Variants in ARSG observed in about 807,000 individuals in gnomAD.
ARSG encodes ASG.
A neutral mutation model predicts 50.5 loss-of-function variants in ARSG; 37 were observed. The observed-to-expected ratio is 0.73, with a 90% CI of 0.56 to 0.96. ARSG has a LOEUF of 0.96. Among genes scored for constraint, ARSG ranks in the 50% least tolerant of loss-of-function variants. The pLI, the probability that ARSG is intolerant of heterozygous loss-of-function variation, is 0.00. For synonymous variants in ARSG, 225 were observed against 254.6 expected (o/e 0.88, Z 1.11); for missense variants, 629 against 675.3 (o/e 0.93, Z 0.76).
At chr17:68,284,907 A>T (rs1266339508) in intron 1 of ARSG, among the ~76,000 whole-genome samples, 1 of 152,122 alleles carries the variant, frequency 6.6e-6, no homozygotes, top group Non-Finnish European at 1.5e-5. Flanking sequence ...TCTGAGGTCT[A>T]TTTCTCTTTG....
At position 68,351,575 on chromosome 17, in the gene ARSG, G is replaced by C. The variant is rs770312236; in HGVS notation, c.455G>C (p.Gly152Ala). The change falls in exon 5 of 12, where the codon GGT (glycine) becomes GCT (alanine). Residue 152 changes from glycine (G) to alanine (A), a missense_variant and splice_region_variant. By Grantham distance (60) the Gly-to-Ala change is moderately conservative. Coordinates refer to ENST00000621439, the MANE Select transcript of ARSG (RefSeq NM_001267727.2). ...TGCTAACCGGTTGCTTCTATTCCAG[G>C]TTTTGATTACTACTTTGGAATCCCA... ...HHGSYHPNFR[G>A]FDYYFGIPYS... 1 of 1,602,914 alleles carries C rather than the reference G, an allele frequency of 6.2e-7. No individual in the cohort carries two copies.
Position 68,307,448 on chromosome 17 carries a change from G to A in ARSG, c.-46G>A. 1.3e-6 allele frequency: 2 copies of A among 1,482,312 alleles called. No individual in the cohort carries two copies. Among genetic ancestry groups the A allele is most frequent in the South Asian group, 1.2e-5 (1 of 85,970 alleles). 91.8% of individuals were successfully genotyped at this position (1,482,312 alleles called of 1,614,324 possible). ...GGAAGCTCTCAGAAAAATCTCTAGT[G>A]GTGGCTGCCGTCGCTCCAGACAATC... On this transcript the variant is annotated 5_prime_UTR_variant, in exon 2 of 12. Transcript: ENST00000621439.
chr17:68,424,861 A>G (rs1368012469), downstream of ARSG, among the ~76,000 whole-genome samples: 8 of 152,250 alleles, frequency 5.3e-5, no homozygotes, highest in Non-Finnish European at 1.2e-4. Context: ...TGGGTGACAG[A>G]GCAAGACTCC....
chr17:68,273,926 C>A (rs1555749965), intron 1 of ARSG: 1 of 1,613,980 alleles, frequency 6.2e-7, no homozygotes, highest in East Asian at 2.2e-5. Flanking sequence ...GGAACACTTA[C>A]CAGAGATGAT....
chr17:68,333,276 C>T (rs963174515), intron 2 of ARSG, among the ~76,000 whole-genome samples: 14 of 152,036 alleles, frequency 9.2e-5, no homozygotes, highest in African/African-American at 3.1e-4. Flanking sequence ...GAAGGGAGAT[C>T]GCGCCACTGC....
At chr17:68,288,776 G>C (rs1306822832), upstream of ARSG, among the ~76,000 whole-genome samples, 1 of 152,144 alleles carries the variant, frequency 6.6e-6, no homozygotes, top group African/African-American at 2.4e-5. Flanking sequence ...AAGCTCTTAG[G>C]CCATATTTGT....
chr17:68,292,089 C>T (rs1014008649), intron 1 of ARSG, among the ~76,000 whole-genome samples: 57 of 152,004 alleles, frequency 3.7e-4, no homozygotes, highest in African/African-American at 1.3e-3. Flanking sequence ...CGCAGTGGGC[C>T]CCAGGGAGCG....
At chr17:68,328,303 C>G (rs1245988665) in intron 2 of ARSG, among the ~76,000 whole-genome samples, 1 of 152,128 alleles carries the variant, frequency 6.6e-6, no homozygotes, top group Non-Finnish European at 1.5e-5. Context: ...TTGCTAATTA[C>G]TTTATGTACA....
chr17:68,288,827 A>G (rs1401789054), upstream of ARSG, among the ~76,000 whole-genome samples: 1 of 152,172 alleles, frequency 6.6e-6, no homozygotes, highest in African/African-American at 2.4e-5. Context: ...AGTTATGGAA[A>G]CCACAGAATC....
intron 11 of ARSG, among the ~76,000 whole-genome samples, chr17:68,402,248 TTG>T (rs146919788): frequency 0.031 from 4,643 of 152,016 alleles, 227 homozygotes; most frequent in African/African-American, 0.11. Flanking sequence ...TTGTTGTTGT[TTG>T]TTTGTTTGTT....
intron 2 of ARSG, among the ~76,000 whole-genome samples, chr17:68,310,364 G>A (rs57697808): frequency 0.05 from 7,605 of 152,230 alleles, 620 homozygotes; most frequent in African/African-American, 0.17. Flanking sequence ...TCTGTGAGGC[G>A]TGGGAGATGT....
the ARSG span, among the ~76,000 whole-genome samples, chr17:68,429,832 G>C: frequency 1.3e-5 from 2 of 152,122 alleles, no homozygotes; most frequent in Non-Finnish European, 2.9e-5. Context: ...CAGATGATCT[G>C]CCTGCCTTGG....
the ARSG span, chr17:68,441,145 G>C: frequency 6.6e-6 from 1 of 152,136 alleles, no homozygotes; most frequent in Non-Finnish European, 1.5e-5. Context: ...GGACTTTCAT[G>C]GAGATTTCCA....
At chr17:68,428,228 GTT>G in the ARSG span, 3 of 135,942 alleles carry the variant, frequency 2.2e-5, no homozygotes, top group Non-Finnish European at 3.2e-5. Context: ...CAGGGAATAG[GTT>G]TTTTTTTTTT....
At position 68,321,567 on chromosome 17, in the gene ARSG, G is replaced by C. The variant is rs115758785; in HGVS notation, c.218+13856G>C. Among the ~76,000 whole-genome samples, 1,273 of 152,306 alleles carry C rather than the reference G, an allele frequency of 8.4e-3. 21 individuals carry two copies. Among genetic ancestry groups the C allele is most frequent in the African/African-American group, 0.029 (1,186 of 41,550 alleles). On this transcript the variant is annotated intron_variant, in intron 2 of 11. Coordinates refer to ENST00000621439, the MANE Select transcript of ARSG (RefSeq NM_001267727.2). Reference sequence around the variant, plus strand: ...TTTTATTCCAGTCAGAGTTGCCACAGAACACCCCATCATCTATTTTAAATT... The same window carrying C: ...TTTTATTCCAGTCAGAGTTGCCACACAACACCCCATCATCTATTTTAAATT...
the ARSG span, among the ~76,000 whole-genome samples, chr17:68,440,388 T>C: frequency 3.3e-5 from 5 of 152,348 alleles, no homozygotes; most frequent in South Asian, 8.3e-4. Flanking sequence ...CCTCTTTCTG[T>C]TACAGGTGTT....
chr17:68,354,078 T>C (rs946025546), intron 5 of ARSG, among the ~76,000 whole-genome samples: 88 of 151,538 alleles, frequency 5.8e-4, no homozygotes, highest in Non-Finnish European at 1.1e-3. Context: ...TTATTTTTAT[T>C]TTTTAATTTT....
intron 1 of ARSG, among the ~76,000 whole-genome samples, chr17:68,294,853 G>T (rs564074717): frequency 6.6e-6 from 1 of 152,020 alleles, no homozygotes; most frequent in Admixed American, 6.6e-5. Context: ...GCAGCACCCC[G>T]CCAAATTTCA....
At chr17:68,403,935 A>T (rs1309336422) in intron 11 of ARSG, among the ~76,000 whole-genome samples, 5 of 149,252 alleles carry the variant, frequency 3.4e-5, no homozygotes, top group African/African-American at 1.2e-4. Context: ...TTCAATTCCC[A>T]CCTATGAGTG....
Sources: allele counts gnomAD v4.1 joint callset (sites outside exome capture counted in the v4.1 genomes callset), GRCh38; gene constraint gnomAD v4.1.1; transcripts MANE v1.5; gene names NCBI Gene and HGNC (gene_info 2026-07-23, HGNC 2026-07-21).